Variants in LIMK2 observed in about 807,000 individuals in gnomAD.
LIMK2 encodes the protein LIM domain kinase 2.
In LIMK2, 35 loss-of-function variants were observed where a neutral mutation model predicts 75.7. The observed-to-expected ratio is 0.46, with a 90% CI of 0.35 to 0.61. The LOEUF (loss-of-function observed/expected upper bound fraction) is 0.61, where lower values mean the gene tolerates loss of function less well. LIMK2 is among the 20% of genes least tolerant of loss of function. The pLI is 0.00. For synonymous variants in LIMK2, 301 were observed against 319.2 expected (o/e 0.94, Z 0.61); for missense variants, 623 against 831.0 (o/e 0.75, Z 3.08).
chr22:31,263,030 C>T lies in LIMK2; in HGVS notation c.854+239C>T, dbSNP rs149972306. Among the ~76,000 whole-genome samples, 5 of 152,316 alleles carry T rather than the reference C, an allele frequency of 3.3e-5. No individual in the cohort carries two copies. The East Asian group carries it at 7.7e-4, about 24-fold the overall frequency. On this transcript the variant is annotated intron_variant, in intron 7 of 15. Coordinates refer to ENST00000331728, the MANE Select transcript of LIMK2 (RefSeq NM_005569.4). The stretch of plus-strand genomic sequence containing the variant: ...AGAGTCAGTCTCTGTCCACTGAACT[C>T]CTAAGCTGGACAGGAGGCAGTGATG...
intron 5 of LIMK2, among the ~76,000 whole-genome samples, 180 bp from the exon 6 acceptor site, chr22:31,261,954 G>T (rs1219085084): frequency 6.6e-6 from 1 of 152,206 alleles, no homozygotes; most frequent in Non-Finnish European, 1.5e-5. Flanking sequence ...AGGGTGAGTG[G>T]CAATTCCCTT....
At chr22:31,276,921 C>T in intron 15 of LIMK2, 6 of 1,613,562 alleles carry the variant, frequency 3.7e-6, no homozygotes, top group South Asian at 1.1e-5. Context: ...AGGAGTGGAT[C>T]CTGGAGCAGC....
In LIMK2 at chr22:31,266,018, C is replaced by A. The variant is rs761426360; in HGVS notation, c.927C>A (p.Ile309=). ...AGCCCCTGCTGTTCAGCCGTGACAT[C>A]AGCCGCTCAGAATCCCTTCGTTGTT... ...PKEPLLFSRD[I]SRSESLRCSS... The change falls in exon 8 of 16, where the codon ATC becomes ATA. Residue 309 remains isoleucine, a synonymous_variant. Coordinates refer to ENST00000331728, the MANE Select transcript of LIMK2 (RefSeq NM_005569.4). The A allele has an allele frequency of 6.2e-7, 1 of 1,614,224 alleles. No individual in the cohort carries two copies. The highest frequency in any genetic ancestry group is 1.7e-5 in the Admixed American group (1 of 60,028).
intron 15 of LIMK2, among the ~76,000 whole-genome samples, chr22:31,276,539 C>T (rs951353146): frequency 1.5e-4 from 22 of 146,344 alleles, no homozygotes; most frequent in Non-Finnish European, 3.2e-4. Context: ...AGGCCAGGCC[C>T]GGGGGCTCCG....
Position 31,226,987 on chromosome 22 carries a change from C to T in LIMK2, c.116+1168C>T, listed in dbSNP as rs541140477. On this transcript the variant is annotated intron_variant, in intron 2 of 15. Transcript: ENST00000331728. ...TTCAAATCAGATTTGTTCCTGCTGTCTGAGGCTCAGTTTCTTCATCTGGAA... is the reference window on the plus strand; with the variant it reads ...TTCAAATCAGATTTGTTCCTGCTGTTTGAGGCTCAGTTTCTTCATCTGGAA... 1.1e-4 allele frequency among the ~76,000 whole-genome samples: 17 copies of T among 152,332 alleles called. No individual in the cohort carries two copies. In the South Asian group the frequency reaches 3.5e-3, roughly 32 times the overall value.
intron 15 of LIMK2, 76 bp from the exon 16 acceptor site, chr22:31,278,221 A>G: frequency 7.6e-7 from 1 of 1,315,898 alleles, no homozygotes; most frequent in Non-Finnish European, 1.1e-6. Context: ...GAAGTAGCTG[A>G]GCCTAGATCC....
At chr22:31,260,181 C>T in intron 5 of LIMK2, 104 bp downstream of exon 5, 1 of 945,660 alleles carries the variant, frequency 1.1e-6, no homozygotes, top group Non-Finnish European at 1.5e-6. Context: ...TCCCTTTATT[C>T]TCATCTCATA....
chr22:31,230,405 A>G (rs762972184), intron 2 of LIMK2, among the ~76,000 whole-genome samples: 3 of 152,096 alleles, frequency 2.0e-5, no homozygotes, highest in Non-Finnish European at 2.9e-5. Flanking sequence ...GACCTTGACA[A>G]CTTTTTTGAT....
chr22:31,262,935 T>C lies in LIMK2; in HGVS notation c.854+144T>C, dbSNP rs1298074846. On this transcript the variant is annotated intron_variant, in intron 7 of 15. Transcript: ENST00000331728. This position sits in a 1 kb window ranked among gnomAD's most constrained non-coding sequence, Gnocchi z 5.0. ...AGGATTGTGCTGACCCAGCTGCCCC[T>C]GTGGGGATCACAGTTTACAGCCAGA... is the stretch of plus-strand genomic sequence containing the variant. 2.7e-6 allele frequency: 2 copies of C among 739,886 alleles called. No individual in the cohort carries two copies. Among genetic ancestry groups the C allele is most frequent in the East Asian group, 6.1e-5 (2 of 33,044 alleles). 45.8% of individuals were successfully genotyped at this position (739,886 alleles called of 1,614,324 possible).
At chr22:31,268,804 G>C (rs762149019) in intron 11 of LIMK2, among the ~76,000 whole-genome samples, 88 of 152,216 alleles carry the variant, frequency 5.8e-4, no homozygotes, top group Middle Eastern at 3.2e-3. Context: ...TGACAACCTT[G>C]GTTTCCAGAT....
At chr22:31,265,193 A>C (rs1451259429) in intron 7 of LIMK2, among the ~76,000 whole-genome samples, 2 of 128,248 alleles carry the variant, frequency 1.6e-5, no homozygotes, top group African/African-American at 3.0e-5. Context: ...GACTCCATCA[A>C]AAAAAAAAAA....
intron 14 of LIMK2, 83 bp downstream of exon 14, chr22:31,273,590 G>T: frequency 9.3e-7 from 1 of 1,080,650 alleles, no homozygotes. Context: ...TCTCCTCCTA[G>T]GGATGACTAG....
At chr22:31,277,664 C>A in intron 15 of LIMK2, 1 of 531,332 alleles carries the variant, frequency 1.9e-6, no homozygotes, top group Non-Finnish European at 2.4e-6. Flanking sequence ...GTGCTAGGTA[C>A]AGTTCTAAAC....
intron 12 of LIMK2, 144 bp from the exon 13 acceptor site, chr22:31,272,386 A>G (rs1209515462): frequency 1.3e-6 from 1 of 759,280 alleles, no homozygotes; most frequent in Non-Finnish European, 2.0e-6. Context: ...GAGTGTGTCT[A>G]TTTGATAGAG....
intron 15 of LIMK2, chr22:31,276,688 C>T: frequency 8.7e-7 from 1 of 1,148,660 alleles, no homozygotes; most frequent in Non-Finnish European, 1.1e-6. Context: ...CCGGAGGCCG[C>T]CGTGGCGGAC....
rs369991049 is a variant in LIMK2, at chr22:31,258,277, G to A, written c.117-14G>A. The A allele has an allele frequency of 3.1e-6, 5 of 1,587,668 alleles. 1 individual carries two copies. In the Admixed American group the frequency reaches 7.0e-5, roughly 22 times the overall value. ...GGGATCCAGGAGAATTTCAGTTCTT[G>A]TCTTGCCTTTCAGGTGTTCAGAATG... On this transcript the variant is annotated splice_polypyrimidine_tract_variant and intron_variant, in intron 2 of 15. Transcript: ENST00000331728.
At chr22:31,268,090 A>G in intron 10 of LIMK2, 54 bp from the exon 11 acceptor site, 1 of 1,570,416 alleles carries the variant, frequency 6.4e-7, no homozygotes, top group Non-Finnish European at 8.8e-7. Context: ...TGGGGCCTGG[A>G]CCACGAGTGG....
chr22:31,244,461 G>A (rs577492223), intron 2 of LIMK2, among the ~76,000 whole-genome samples: 22 of 152,104 alleles, frequency 1.4e-4, no homozygotes, highest in Admixed American at 4.6e-4. Flanking sequence ...CTCTCCAGCT[G>A]GGCAGCCCTT....
At chr22:31,277,195 C>A in intron 15 of LIMK2, 1 of 1,609,912 alleles carries the variant, frequency 6.2e-7, no homozygotes, top group Non-Finnish European at 8.5e-7. Context: ...TACCCCCCGA[C>A]CTCGTAGCAA....
Sources: gnomAD v4.1 joint callset for allele counts (sites outside exome capture counted in the v4.1 genomes callset) on GRCh38, gnomAD v4.1.1 for gene constraint, Gnocchi (gnomAD v3.1) non-coding constraint, MANE v1.5 for transcripts, NCBI Gene and HGNC (gene_info 2026-07-23, HGNC 2026-07-21) for gene names.